Variants in CCDC3 observed in about 807,000 individuals in gnomAD.
The protein encoded by CCDC3 is coiled-coil domain-containing protein 3.
In CCDC3, 24 loss-of-function variants were observed where a neutral mutation model predicts 21.4. The ratio of observed to expected loss-of-function variants is 1.12; its 90% CI spans 0.81 to 1.58. The LOEUF is 1.58. Among genes scored for constraint, CCDC3 ranks in the 40% most tolerant of loss-of-function variants. The pLI is 0.00. For missense variants in CCDC3, 425 were observed against 360.9 expected (o/e 1.18, Z -1.44); for synonymous variants, 186 against 166.0 (o/e 1.12, Z -0.93).
At chr10:13,087,836 G>A (rs749591003) in intron 3 of CCDC3, among the ~76,000 whole-genome samples, 2 of 152,086 alleles carry the variant, frequency 1.3e-5, no homozygotes, top group Admixed American at 1.3e-4. Context: ...CTGAAGGTAA[G>A]AGATCTACAA....
At chr10:13,069,196 G>A (rs535567536) in intron 4 of CCDC3, among the ~76,000 whole-genome samples, 10 of 152,236 alleles carry the variant, frequency 6.6e-5, no homozygotes, top group Admixed American at 3.9e-4. Flanking sequence ...CAGAGGTTGC[G>A]GTGAGCCGAG....
chr10:13,065,767 T>C (rs1005371299), intron 4 of CCDC3, among the ~76,000 whole-genome samples: 13 of 152,208 alleles, frequency 8.5e-5, no homozygotes, highest in African/African-American at 2.9e-4. Context: ...ACACATTCAA[T>C]ACTTACCAGT....
At chr10:13,045,581 G>A (rs935494586) in intron 5 of CCDC3, among the ~76,000 whole-genome samples, 4 of 151,954 alleles carry the variant, frequency 2.6e-5, no homozygotes, top group Non-Finnish European at 4.4e-5. Context: ...TTGCACCACC[G>A]TACTCCAGCC....
At chr10:13,061,369 T>A (rs542002269) in intron 4 of CCDC3, among the ~76,000 whole-genome samples, 1 of 152,296 alleles carries the variant, frequency 6.6e-6, no homozygotes, top group South Asian at 2.1e-4. Context: ...ATATCAGAGA[T>A]GTTGTTTATT....
At chr10:13,025,559 C>T (rs1229208526) in intron 5 of CCDC3, among the ~76,000 whole-genome samples, 1 of 152,160 alleles carries the variant, frequency 6.6e-6, no homozygotes, top group Non-Finnish European at 1.5e-5. Flanking sequence ...AATATAACGT[C>T]AAAAAATCAC....
chr10:12,907,483 A>G (rs2131199723), intron 2 of CCDC3, among the ~76,000 whole-genome samples: 1 of 152,050 alleles, frequency 6.6e-6, no homozygotes, highest in East Asian at 1.9e-4. Context: ...CATCTCTACT[A>G]AAAATAGAAA....
intron 5 of CCDC3, among the ~76,000 whole-genome samples, chr10:13,022,846 C>T (rs1202174160): frequency 6.6e-6 from 1 of 152,082 alleles, no homozygotes; most frequent in Non-Finnish European, 1.5e-5. Flanking sequence ...ATAAATATTG[C>T]AAGAGATGCA....
chr10:13,083,537 T>C (rs1837067843), intron 3 of CCDC3, among the ~76,000 whole-genome samples: 1 of 152,258 alleles, frequency 6.6e-6, no homozygotes. Flanking sequence ...TATGTAGCTG[T>C]TAAATGTGCT....
Position 13,089,020 on chromosome 10 carries a change from A to T in CCDC3, c.-503+9505T>A, listed in dbSNP as rs543905077. Among the ~76,000 whole-genome samples, 104 of 145,994 alleles carry T rather than the reference A, an allele frequency of 7.1e-4. 2 individuals are homozygous for T. The South Asian group carries it at 0.024, about 34-fold the overall frequency. On this transcript the variant is annotated intron_variant, in intron 3 of 6. Transcript: ENST00000378839. ...GTGAGACTGTCTCAAAAAAAAAAAA[A>T]AATAAAAGAAGAAAGAAATATTAAC...
rs74603518 is a variant in CCDC3 at position 13,075,708 on chromosome 10, G to T, written c.-502-1608C>A. Among the ~76,000 whole-genome samples the T allele has an allele frequency of 9.6e-3, 1,455 of 152,172 alleles. 25 individuals are homozygous for T. The highest frequency in any genetic ancestry group is 0.033 in the African/African-American group (1,350 of 41,526). ...ATGCTCAATATACTTTTCAAAAATT[G>T]ATGATTAACCAATTTGCTCAGTGCA... On this transcript the variant is annotated intron_variant, in intron 3 of 6. Coordinates refer to the CCDC3 transcript ENST00000378839.
intron 4 of CCDC3, among the ~76,000 whole-genome samples, chr10:13,054,172 AAG>A (rs1491348522): frequency 1.3e-5 from 2 of 151,024 alleles, no homozygotes; most frequent in African/African-American, 4.9e-5. Context: ...AAAAAAAAAA[AAG>A]AGGAAACTTG....
chr10:12,987,413 A>G (rs12775115), intron 2 of CCDC3, among the ~76,000 whole-genome samples: 40,239 of 152,090 alleles, frequency 0.26, 6,124 homozygotes, highest in East Asian at 0.36. Context: ...CGCCTCACAC[A>G]TAACCAATAC....
intron 4 of CCDC3, chr10:13,058,488 C>G: frequency 4.0e-6 from 3 of 751,562 alleles, no homozygotes; most frequent in Non-Finnish European, 7.3e-6. Flanking sequence ...CCTAAGCAAT[C>G]TGACAAATGA....
At chr10:12,935,443 T>C (rs1032705653) in intron 2 of CCDC3, among the ~76,000 whole-genome samples, 1 of 152,174 alleles carries the variant, frequency 6.6e-6, no homozygotes, top group African/African-American at 2.4e-5. Context: ...ACGACTGAAA[T>C]TTCAAAGTGA....
chr10:12,898,246 C>G lies in CCDC3; in HGVS notation c.*170G>C. 1.2e-6 allele frequency: 1 copy of G among 806,700 alleles called. No individual in the cohort carries two copies. Among genetic ancestry groups the G allele is most frequent in the Non-Finnish European group, 1.9e-6 (1 of 525,386 alleles). 50.0% of individuals were successfully genotyped at this position (806,700 alleles called of 1,614,324 possible). A position where few individuals can be genotyped will look rare whatever the true frequency, so the allele number is the denominator to read the frequency against. On this transcript the variant is annotated 3_prime_UTR_variant, in exon 3 of 3. Coordinates refer to ENST00000378825, the MANE Select transcript of CCDC3 (RefSeq NM_031455.4). Reference sequence around the variant, plus strand: ...AGCGCGTGGGGTCTGACATTGAGGCCAGCACCCAAGGGGAAAGCAAGCCTT... The same window carrying G: ...AGCGCGTGGGGTCTGACATTGAGGCGAGCACCCAAGGGGAAAGCAAGCCTT...
intron 2 of CCDC3, among the ~76,000 whole-genome samples, chr10:12,939,237 A>T (rs1032268248): frequency 6.6e-5 from 10 of 152,226 alleles, no homozygotes; most frequent in African/African-American, 2.4e-4. Flanking sequence ...CCTTCTGAGT[A>T]AGGTAAATTC....
At chr10:12,991,496 T>G (rs1285626704) in intron 2 of CCDC3, among the ~76,000 whole-genome samples, 1 of 152,070 alleles carries the variant, frequency 6.6e-6, no homozygotes, top group Non-Finnish European at 1.5e-5. Context: ...AATTTTTGTG[T>G]GTTTAGTAGA....
At chr10:13,075,275 G>T (rs979440011) in intron 3 of CCDC3, among the ~76,000 whole-genome samples, 1 of 152,090 alleles carries the variant, frequency 6.6e-6, no homozygotes, top group African/African-American at 2.4e-5. Flanking sequence ...TTTGTTTTGC[G>T]TATCACTGTA....
chr10:13,097,682 C>A (rs1832645640), intron 3 of CCDC3, among the ~76,000 whole-genome samples: 1 of 152,148 alleles, frequency 6.6e-6, no homozygotes, highest in South Asian at 2.1e-4. Context: ...TGAGATTATG[C>A]CACTGCACTC....
Sources: allele counts gnomAD v4.1 joint callset (sites outside exome capture counted in the v4.1 genomes callset), GRCh38; gene constraint gnomAD v4.1.1; transcripts MANE v1.5; gene names NCBI Gene and HGNC (gene_info 2026-07-23, HGNC 2026-07-21).